Variants in CSMD3 observed in about 807,000 individuals in gnomAD.
CSMD3 encodes the protein CUB and sushi domain-containing protein 3.
Under a neutral mutation model 435.2 loss-of-function variants are expected in CSMD3, and 177 were observed. That is an observed-to-expected ratio of 0.41 (90% CI 0.36 to 0.46). The LOEUF is 0.46. CSMD3 is among the 20% of genes least tolerant of loss of function. The pLI, the probability that CSMD3 is intolerant of heterozygous loss-of-function variation, is 0.34. For missense variants in CSMD3, 4,265 were observed against 4,504.6 expected, an observed-to-expected ratio of 0.95 and a Z score of 1.52; for synonymous variants, 1,656 against 1,520.5, an observed-to-expected ratio of 1.09 and a Z score of -2.07.
intron 24 of CSMD3, among the ~76,000 whole-genome samples, chr8:112,558,957 A>G (rs2131237496): frequency 6.6e-6 from 1 of 152,036 alleles, no homozygotes; most frequent in Non-Finnish European, 1.5e-5. Flanking sequence ...AAATTTTTAT[A>G]TTCTACTTTC....
intron 27 of CSMD3, among the ~76,000 whole-genome samples, chr8:112,525,594 A>G (rs1025740703): frequency 1.4e-5 from 2 of 148,014 alleles, no homozygotes; most frequent in African/African-American, 4.9e-5. Flanking sequence ...GGTGGCGGGC[A>G]CCTGTAGTCC....
intron 13 of CSMD3, among the ~76,000 whole-genome samples, chr8:112,717,451 T>C (rs2076758813): frequency 6.6e-6 from 1 of 152,210 alleles, no homozygotes; most frequent in African/African-American, 2.4e-5. Context: ...GGAATGCTTT[T>C]ACACTGTTGT....
At chr8:112,266,682 GAA>G (rs1293772550) in intron 59 of CSMD3, among the ~76,000 whole-genome samples, 1 of 152,118 alleles carries the variant, frequency 6.6e-6, no homozygotes, top group Non-Finnish European at 1.5e-5. Context: ...AAATGTTTCA[GAA>G]AGACTTGAGA....
chr8:112,422,080 G>A (rs1446535257), intron 32 of CSMD3, among the ~76,000 whole-genome samples: 1 of 152,066 alleles, frequency 6.6e-6, no homozygotes, highest in African/African-American at 2.4e-5. Flanking sequence ...TATAGAGCAT[G>A]GCATCATGGA....
intron 22 of CSMD3, among the ~76,000 whole-genome samples, chr8:112,628,244 T>C (rs1834649994): frequency 6.6e-6 from 1 of 152,192 alleles, no homozygotes; most frequent in African/African-American, 2.4e-5. Context: ...TTTTACTGCA[T>C]ATTAGGGAAA....
intron 13 of CSMD3, among the ~76,000 whole-genome samples, chr8:112,726,167 T>C (rs2076960074): frequency 6.6e-6 from 1 of 151,974 alleles, no homozygotes; most frequent in Admixed American, 6.6e-5. Flanking sequence ...AATCCTATGA[T>C]TCAATTACCT....
At chr8:112,623,908 G>T (rs985849881) in intron 22 of CSMD3, among the ~76,000 whole-genome samples, 5 of 151,956 alleles carry the variant, frequency 3.3e-5, no homozygotes, top group Admixed American at 2.0e-4. Context: ...GTGAATAAAT[G>T]AATGAAGGCT....
intron 2 of CSMD3, among the ~76,000 whole-genome samples, chr8:113,297,905 T>A (rs1165988106): frequency 6.6e-6 from 1 of 152,106 alleles, no homozygotes; most frequent in Non-Finnish European, 1.5e-5. Context: ...AATATCAAAT[T>A]TCTGCTTTTA....
At chr8:113,199,730 A>AT (rs973926639) in intron 3 of CSMD3, among the ~76,000 whole-genome samples, 9 of 151,648 alleles carry the variant, frequency 5.9e-5, no homozygotes, top group African/African-American at 2.2e-4. Flanking sequence ...GAGGTGAATG[A>AT]TTTTTTCCCA....
chr8:113,387,648 A>T (rs1385094916), intron 1 of CSMD3, among the ~76,000 whole-genome samples: 4 of 151,738 alleles, frequency 2.6e-5, no homozygotes, highest in African/African-American at 9.6e-5. Flanking sequence ...CAGAAGAAGG[A>T]ATTTAAAAGG....
rs149132824 is a variant in CSMD3, at chr8:113,121,496, C to A, written c.710-22533G>T. 2.6e-3 allele frequency among the ~76,000 whole-genome samples: 393 copies of A among 152,246 alleles called. 2 individuals carry two copies. The highest frequency in any genetic ancestry group is 4.3e-3 in the Non-Finnish European group (293 of 68,010). On this transcript the variant is annotated intron_variant, in intron 4 of 70. Transcript: ENST00000297405. ...TCTGTGCTATTTAATCCTAGACCTA[C>A]ACCAAGGGAGCTTCTCCCTAAGGAA... is the stretch of plus-strand genomic sequence containing the variant.
intron 32 of CSMD3, among the ~76,000 whole-genome samples, chr8:112,413,523 A>C (rs1049785072): frequency 3.3e-5 from 5 of 152,178 alleles, no homozygotes; most frequent in Non-Finnish European, 5.9e-5. Flanking sequence ...GTAAGATGGC[A>C]TAAAGAAACT....
intron 27 of CSMD3, chr8:112,538,810 A>G (rs1426594937): frequency 2.0e-5 from 3 of 152,120 alleles, no homozygotes; most frequent in Non-Finnish European, 4.4e-5. Context: ...CTTCCAAAGT[A>G]CCAATGCCAT....
intron 1 of CSMD3, among the ~76,000 whole-genome samples, chr8:113,375,944 A>C (rs2094379868): frequency 6.6e-6 from 1 of 152,190 alleles, no homozygotes; most frequent in Non-Finnish European, 1.5e-5. Flanking sequence ...CCAAAATTTT[A>C]GTCAAAAATG....
chr8:113,225,272 C>A (rs1488018996), intron 3 of CSMD3, among the ~76,000 whole-genome samples: 1 of 151,436 alleles, frequency 6.6e-6, no homozygotes, highest in Non-Finnish European at 1.5e-5. Flanking sequence ...GTAATTATTT[C>A]TGCACCGTCC....
intron 27 of CSMD3, chr8:112,538,878 A>T (rs1826387658): frequency 1.3e-5 from 2 of 152,118 alleles, no homozygotes; most frequent in Admixed American, 6.6e-5. Flanking sequence ...TCCTGCACCT[A>T]AGGCAGGAAG....
intron 42 of CSMD3, among the ~76,000 whole-genome samples, chr8:112,338,720 C>T (rs1824807167): frequency 6.6e-6 from 1 of 151,990 alleles, no homozygotes; most frequent in East Asian, 1.9e-4. Context: ...ATGTTAAGTG[C>T]TTTCATTCTT....
At chr8:112,961,015 T>C (rs1485835664) in intron 7 of CSMD3, among the ~76,000 whole-genome samples, 3 of 151,816 alleles carry the variant, frequency 2.0e-5, no homozygotes, top group Non-Finnish European at 4.4e-5. Context: ...CAAATGTATG[T>C]GATGCTCAAT....
chr8:112,552,761 C>T (rs2131203170), intron 25 of CSMD3, 41 bp from the exon 26 acceptor site: 1 of 1,579,502 alleles, frequency 6.3e-7, no homozygotes, highest in Admixed American at 1.7e-5. Context: ...AATTTAATGC[C>T]AATCTTTTCA....
Sources: gnomAD v4.1 joint callset for allele counts (sites outside exome capture counted in the v4.1 genomes callset) on GRCh38, gnomAD v4.1.1 for gene constraint, MANE v1.5 for transcripts, NCBI Gene and HGNC (gene_info 2026-07-23, HGNC 2026-07-21) for gene names.